DENND2A: variants seen among roughly 807,000 people sequenced by gnomAD.
DENND2A encodes DENN domain containing 2A, also known as DENN domain-containing protein 2A.
DENND2A carries 53 observed loss-of-function variants against 105.3 expected under a neutral mutation model. The observed-to-expected ratio is 0.50, with a 90% CI of 0.40 to 0.63. The LOEUF is 0.63. DENND2A is among the 30% of genes least tolerant of loss of function. The pLI is 0.00. For missense variants in DENND2A, 1,138 were observed against 1,279.6 expected, an observed-to-expected ratio of 0.89 and a Z score of 1.69; for synonymous variants, 522 against 508.4, an observed-to-expected ratio of 1.03 and a Z score of -0.36.
intron 3 of DENND2A, among the ~76,000 whole-genome samples, chr7:140,597,586 A>T (rs2130676308): frequency 6.6e-6 from 1 of 152,360 alleles, no homozygotes; most frequent in South Asian, 2.1e-4. Flanking sequence ...TTTGGACTGA[A>T]ATAAGTAACT....
At chr7:140,604,490 T>C (rs1799623949) in intron 2 of DENND2A, among the ~76,000 whole-genome samples, 1 of 152,252 alleles carries the variant, frequency 6.6e-6, no homozygotes, top group Non-Finnish European at 1.5e-5. Context: ...ACTGGAGATA[T>C]TAGCATGAAT....
At chr7:140,537,657 ATTTG>A (rs10653353) in intron 14 of DENND2A, among the ~76,000 whole-genome samples, 2,725 of 151,690 alleles carry the variant, frequency 0.018, 39 homozygotes, top group South Asian at 0.049. Context: ...GGTGTTTTTC[ATTTG>A]TTTGTTTGTT....
chr7:140,602,595 T>C (rs927124698), intron 2 of DENND2A, 53 bp from the exon 3 acceptor site: 1 of 463,116 alleles, frequency 2.2e-6, no homozygotes. Context: ...TCTTGGCTGG[T>C]CATAGAGATT....
upstream of DENND2A, among the ~76,000 whole-genome samples, chr7:140,641,124 G>A (rs985145471): frequency 6.6e-6 from 1 of 152,164 alleles, no homozygotes; most frequent in Admixed American, 6.5e-5. Context: ...CGGCGGCCGC[G>A]TGCCCGGCCC....
intron 5 of DENND2A, among the ~76,000 whole-genome samples, chr7:140,578,924 G>A (rs1238315367): frequency 6.6e-6 from 1 of 152,120 alleles, no homozygotes; most frequent in Non-Finnish European, 1.5e-5. Flanking sequence ...TAACAATGGG[G>A]ACTAATGACA....
At chr7:140,567,414 G>A in intron 8 of DENND2A, 141 bp from the exon 9 acceptor site, 1 of 688,864 alleles carries the variant, frequency 1.5e-6, no homozygotes, top group Non-Finnish European at 2.3e-6. Context: ...AATAGGTTAT[G>A]TAATTATCAG....
At position 140,601,663 on chromosome 7, in the gene DENND2A, C is replaced by G; in HGVS notation, c.735G>C (p.Arg245=). The change falls in exon 3 of 20, where the codon CGG becomes CGC. Residue 245 remains arginine (R), a synonymous_variant. Transcript: ENST00000496613. ...AGCCCCTATACACGTTCTCAAGGCT[C>G]CGGTCCCAGGGCCTTCTGCATGAAC... ...RKGSCRRPWD[R]SLENVYRGSE... 3 of 1,613,166 alleles carry G rather than the reference C, an allele frequency of 1.9e-6. No individual in the cohort carries two copies. The South Asian group carries it at 3.3e-5, about 18-fold the overall frequency.
At chr7:140,549,181 G>A (rs544894321) in intron 12 of DENND2A, among the ~76,000 whole-genome samples, 62 of 151,692 alleles carry the variant, frequency 4.1e-4, no homozygotes, top group African/African-American at 1.4e-3. Context: ...GGCTGAGATC[G>A]CGCCATTGCA....
intron 7 of DENND2A, among the ~76,000 whole-genome samples, chr7:140,569,423 G>C (rs1403983672): frequency 6.6e-6 from 1 of 152,216 alleles, no homozygotes; most frequent in Non-Finnish European, 1.5e-5. Flanking sequence ...GCAGTACTGG[G>C]CTGACTTGGT....
chr7:140,518,819 G>T (rs2130440703), intron 19 of DENND2A, 81 bp from the exon 20 acceptor site: 4 of 1,483,502 alleles, frequency 2.7e-6, no homozygotes, highest in African/African-American at 1.4e-5. Context: ...ACCCAGAAGT[G>T]GTGCGGGTAA....
chr7:140,615,385 C>A (rs1297974140), intron 1 of DENND2A, among the ~76,000 whole-genome samples: 1 of 152,158 alleles, frequency 6.6e-6, no homozygotes, highest in Non-Finnish European at 1.5e-5. Flanking sequence ...GCGGCCTGCA[C>A]CCTTCTTGGA....
At chr7:140,621,348 C>T (rs558309189) in intron 1 of DENND2A, among the ~76,000 whole-genome samples, 1 of 152,210 alleles carries the variant, frequency 6.6e-6, no homozygotes, top group East Asian at 1.9e-4. Flanking sequence ...CTTCCACATA[C>T]TTTAAATCAT....
At chr7:140,606,787 A>G (rs1799702571) in intron 1 of DENND2A, among the ~76,000 whole-genome samples, 1 of 152,164 alleles carries the variant, frequency 6.6e-6, no homozygotes, top group Non-Finnish European at 1.5e-5. Flanking sequence ...GTGGATACCA[A>G]GGCAGCAGCC....
chr7:140,538,635 T>C (rs1347859320), intron 14 of DENND2A, among the ~76,000 whole-genome samples: 1 of 152,030 alleles, frequency 6.6e-6, no homozygotes, highest in Non-Finnish European at 1.5e-5. Context: ...GCCTCCTAAG[T>C]AGCTGGGATT....
intron 14 of DENND2A, among the ~76,000 whole-genome samples, chr7:140,542,565 C>CTTTTTTTTTTTTT (rs771623397): frequency 8.9e-6 from 1 of 111,984 alleles, no homozygotes; most frequent in African/African-American, 3.6e-5. Flanking sequence ...TTTTCTCTCT[C>CTTTTTTTTTTTTT]TTTTTTTTTT....
At chr7:140,635,462 C>T (rs772040544) in intron 1 of DENND2A, among the ~76,000 whole-genome samples, 1 of 152,112 alleles carries the variant, frequency 6.6e-6, no homozygotes, top group Non-Finnish European at 1.5e-5. Context: ...CCGCAGTGTA[C>T]GGAAGGCCTG....
intron 5 of DENND2A, among the ~76,000 whole-genome samples, chr7:140,576,349 T>A (rs1409251249): frequency 6.6e-6 from 1 of 152,224 alleles, no homozygotes; most frequent in Non-Finnish European, 1.5e-5. Context: ...TCCTTTTAGA[T>A]GTTCAATAAA....
At chr7:140,553,046 G>A (rs1213261353) in intron 12 of DENND2A, among the ~76,000 whole-genome samples, 1 of 151,964 alleles carries the variant, frequency 6.6e-6, no homozygotes, top group Non-Finnish European at 1.5e-5. Flanking sequence ...TGAGAGACTT[G>A]GAAAAGAAAA....
At chr7:140,586,724 A>G (rs1231378297) in intron 4 of DENND2A, among the ~76,000 whole-genome samples, 1 of 152,210 alleles carries the variant, frequency 6.6e-6, no homozygotes, top group African/African-American at 2.4e-5. Flanking sequence ...CTGCTTTGGC[A>G]GGAGCCCATC....
Sources: allele counts gnomAD v4.1 joint callset (sites outside exome capture counted in the v4.1 genomes callset), GRCh38; gene constraint gnomAD v4.1.1; transcripts MANE v1.5; gene names NCBI Gene and HGNC (gene_info 2026-07-23, HGNC 2026-07-21).